The following CCDC91 variants were observed in gnomAD, a reference collection of about 807,000 sequenced individuals.
The protein encoded by CCDC91 is coiled-coil domain containing 91.
CCDC91 carries 48 observed loss-of-function variants against 63.2 expected under a neutral mutation model. The ratio of observed to expected loss-of-function variants is 0.76; its 90% CI spans 0.60 to 0.97. The LOEUF is 0.97. Among genes scored for constraint, CCDC91 ranks in the 50% least tolerant of loss-of-function variants. The pLI is 0.00. For missense variants in CCDC91, 500 were observed against 494.6 expected, an observed-to-expected ratio of 1.01 and a Z score of -0.10; for synonymous variants, 167 against 165.8, an observed-to-expected ratio of 1.01 and a Z score of -0.06.
chr12:28,470,204 C>T (rs1256992381), intron 11 of CCDC91, among the ~76,000 whole-genome samples: 2 of 151,944 alleles, frequency 1.3e-5, no homozygotes, highest in Non-Finnish European at 2.9e-5. Flanking sequence ...GATTAATAAC[C>T]AGAATATATA....
intron 6 of CCDC91, among the ~76,000 whole-genome samples, chr12:28,333,931 C>T (rs1482026345): frequency 6.6e-6 from 1 of 151,872 alleles, no homozygotes; most frequent in African/African-American, 2.4e-5. Flanking sequence ...TGAGTTATTA[C>T]CTTTTAAAAA....
At chr12:28,214,595 GTGTT>G (rs911710304) in intron 1 of CCDC91, among the ~76,000 whole-genome samples, 19 of 151,992 alleles carry the variant, frequency 1.3e-4, no homozygotes, top group Admixed American at 6.6e-4. Flanking sequence ...GTGTGTGTGT[GTGTT>G]TGTTTTCTGT....
chr12:28,503,570 C>T (rs542420640), intron 12 of CCDC91, among the ~76,000 whole-genome samples: 1 of 152,162 alleles, frequency 6.6e-6, no homozygotes, highest in Non-Finnish European at 1.5e-5. Context: ...TTTGACCCAG[C>T]AATCCCATCA....
chr12:28,340,366 A>G (rs1942322559), intron 6 of CCDC91, among the ~76,000 whole-genome samples: 1 of 152,224 alleles, frequency 6.6e-6, no homozygotes, highest in Admixed American at 6.5e-5. Context: ...CAACCTCTGG[A>G]AAACCCCAGT....
chr12:28,319,047 T>C (rs1469264451), intron 6 of CCDC91, among the ~76,000 whole-genome samples: 1 of 152,016 alleles, frequency 6.6e-6, no homozygotes, highest in Non-Finnish European at 1.5e-5. Flanking sequence ...TGATGAAATA[T>C]GCATCTTAGA....
intron 8 of CCDC91, among the ~76,000 whole-genome samples, chr12:28,434,809 AAT>A (rs1948819757): frequency 2.6e-5 from 4 of 151,480 alleles, no homozygotes; most frequent in Non-Finnish European, 4.4e-5. Flanking sequence ...AAATTTCTTT[AAT>A]AAGTATAGGC....
Position 28,400,286 on chromosome 12 carries a change from A to G in CCDC91, c.762+8875A>G, listed in dbSNP as rs552931068. ...AGCTGTACGTTGGCCCCTTTTAGTC[A>G]TGGCTGGAGCTGAAGCAGCTGGGAT... is the stretch of plus-strand genomic sequence containing the variant. On this transcript the variant is annotated intron_variant, in intron 8 of 12. Coordinates refer to ENST00000536442, the MANE Select transcript of CCDC91 (RefSeq NM_018318.5). 4.2e-3 allele frequency among the ~76,000 whole-genome samples: 638 copies of G among 152,098 alleles called. 7 individuals carry two copies. The highest frequency in any genetic ancestry group is 7.0e-3 in the Non-Finnish European group (475 of 67,974).
At chr12:28,480,057 G>A (rs1592797233) in intron 11 of CCDC91, among the ~76,000 whole-genome samples, 1 of 152,120 alleles carries the variant, frequency 6.6e-6, no homozygotes, top group East Asian at 1.9e-4. Context: ...CCTGGTCCCA[G>A]CCTTTCTTTC....
At chr12:28,474,544 G>A (rs1352158063) in intron 11 of CCDC91, among the ~76,000 whole-genome samples, 1 of 151,982 alleles carries the variant, frequency 6.6e-6, no homozygotes, top group Non-Finnish European at 1.5e-5. Context: ...AAAGATTAAT[G>A]TTGTTGTTAC....
At chr12:28,244,345 C>A (rs1197215469) in intron 1 of CCDC91, among the ~76,000 whole-genome samples, 1 of 152,152 alleles carries the variant, frequency 6.6e-6, no homozygotes, top group East Asian at 1.9e-4. Context: ...TGAAAAGATT[C>A]TCTTAAAGTC....
chr12:28,444,783 C>G (rs1221383083), intron 8 of CCDC91, among the ~76,000 whole-genome samples: 2 of 152,060 alleles, frequency 1.3e-5, no homozygotes, highest in African/African-American at 4.8e-5. Flanking sequence ...CAACGTGACA[C>G]AAGTTCAACT....
intron 7 of CCDC91, among the ~76,000 whole-genome samples, chr12:28,367,813 T>G (rs3963302): frequency 0.17 from 25,852 of 152,144 alleles, 3,210 homozygotes; most frequent in East Asian, 0.55. Flanking sequence ...GATTAACATT[T>G]ACATCTGTGA....
intron 7 of CCDC91, among the ~76,000 whole-genome samples, chr12:28,386,345 A>AT (rs1392213807): frequency 6.6e-6 from 1 of 152,136 alleles, no homozygotes; most frequent in African/African-American, 2.4e-5. Context: ...AGACCTACAA[A>AT]TTTTTTAACA....
chr12:28,306,298 C>T (rs531619169), intron 4 of CCDC91, among the ~76,000 whole-genome samples: 1 of 152,120 alleles, frequency 6.6e-6, no homozygotes, highest in African/African-American at 2.4e-5. Flanking sequence ...GTGCTGTACA[C>T]AATTTTGAGT....
chr12:28,279,608 C>T (rs1296452795), intron 3 of CCDC91, among the ~76,000 whole-genome samples: 2 of 152,092 alleles, frequency 1.3e-5, no homozygotes, highest in East Asian at 3.9e-4. Context: ...CCTCACTTTC[C>T]TGACTCAACT....
intron 12 of CCDC91, among the ~76,000 whole-genome samples, chr12:28,490,759 A>G (rs1231248929): frequency 6.6e-6 from 1 of 151,898 alleles, no homozygotes; most frequent in Non-Finnish European, 1.5e-5. Flanking sequence ...TTCACAAATT[A>G]TACTTTAAAA....
In CCDC91 at chr12:28,395,342, G is replaced by A. The variant is rs138500593; in HGVS notation, c.762+3931G>A. On this transcript the variant is annotated intron_variant, in intron 8 of 12. Coordinates refer to ENST00000536442, the MANE Select transcript of CCDC91 (RefSeq NM_018318.5). Reference sequence around the variant, plus strand: ...CTGACACTAACTCATCAAAGTTAACGTTCGACTTCACAAGTTTAACAGCTC... The same window carrying A: ...CTGACACTAACTCATCAAAGTTAACATTCGACTTCACAAGTTTAACAGCTC... 3.9e-5 allele frequency among the ~76,000 whole-genome samples: 6 copies of A among 152,198 alleles called. 1 individual carries two copies. The East Asian group carries it at 5.8e-4, about 15-fold the overall frequency.
chr12:28,443,528 T>TA (rs2140249824), intron 8 of CCDC91, among the ~76,000 whole-genome samples: 1 of 152,174 alleles, frequency 6.6e-6, no homozygotes, highest in African/African-American at 2.4e-5. Flanking sequence ...TGAGAGCCTC[T>TA]AGAGGGTAAA....
At chr12:28,208,737 T>G (rs1943025163) in intron 1 of CCDC91, among the ~76,000 whole-genome samples, 1 of 152,218 alleles carries the variant, frequency 6.6e-6, no homozygotes, top group Non-Finnish European at 1.5e-5. Context: ...TTAACTTTTG[T>G]CTCTTGTCTT....
Sources: gnomAD v4.1 joint callset for allele counts (sites outside exome capture counted in the v4.1 genomes callset) on GRCh38, gnomAD v4.1.1 for gene constraint, MANE v1.5 for transcripts, NCBI Gene and HGNC (gene_info 2026-07-23, HGNC 2026-07-21) for gene names.